Variants in XKR6 observed in about 807,000 individuals in gnomAD.
XKR6 encodes the protein XK-related protein 6.
A neutral mutation model predicts 56.7 loss-of-function variants in XKR6; 22 were observed. That is an observed-to-expected ratio of 0.39 (90% confidence interval 0.28 to 0.55). The LOEUF is 0.55. Ranked by LOEUF, XKR6 falls within the 20% of genes least tolerant of loss-of-function variation. The pLI is 0.66. For missense variants in XKR6, 852 were observed against 889.0 expected, an observed-to-expected ratio of 0.96 and a Z score of 0.53; for synonymous variants, 524 against 387.8, an observed-to-expected ratio of 1.35 and a Z score of -4.13.
chr8:11,161,726 T>G (rs529436661), intron 1 of XKR6, among the ~76,000 whole-genome samples: 1 of 152,348 alleles, frequency 6.6e-6, no homozygotes, highest in Admixed American at 6.5e-5. Context: ...TCAATCACTT[T>G]GGAAGCTATC....
rs1363547374 is a variant in XKR6, at chr8:11,201,113, G to A, written c.227C>T (p.Ser76Phe). Residue 76 changes from serine (S) to phenylalanine (F), a missense_variant, in exon 1 of 3, where the codon TCC becomes TTC. Ser to Phe is a radical substitution (Grantham distance 155, BLOSUM62 -2). Around this residue, in one of 4 missense-constraint regions of XKR6, gnomAD observed 417 missense variants for 355.2 expected, o/e 1.17. Coordinates refer to ENST00000416569, the MANE Select transcript of XKR6 (RefSeq NM_173683.4). ...YWGCRSACLR[S>F]LLGRKPRRSA... Reference sequence around the variant, plus strand: ...GCGGCGCGGCTTCCTGCCCAGGAGGGAGCGCAGGCAGGCGGAGCGGCAGCC... The same window carrying A: ...GCGGCGCGGCTTCCTGCCCAGGAGGAAGCGCAGGCAGGCGGAGCGGCAGCC... The A allele has an allele frequency of 2.3e-5, 35 of 1,508,262 alleles. No individual in the cohort carries two copies. The highest frequency in any genetic ancestry group is 3.1e-5 in the Non-Finnish European group (35 of 1,135,782). 93.4% of individuals were successfully genotyped at this position (1,508,262 alleles called of 1,614,324 possible). A position where few individuals can be genotyped will look rare whatever the true frequency, so the allele number is the denominator to read the frequency against.
intron 1 of XKR6, among the ~76,000 whole-genome samples, chr8:11,186,417 C>T (rs35223712): frequency 0.5 from 75,778 of 151,962 alleles, 21,613 homozygotes; most frequent in African/African-American, 0.77. Flanking sequence ...AGTCTTGCTC[C>T]GTTATCCAGG....
At chr8:11,074,111 A>G (rs1380559872) in intron 1 of XKR6, among the ~76,000 whole-genome samples, 3 of 152,278 alleles carry the variant, frequency 2.0e-5, no homozygotes, top group Non-Finnish European at 2.9e-5. Flanking sequence ...TAAGATCTTC[A>G]AAGACGCAGC....
At chr8:11,129,747 G>C (rs1391053045) in intron 1 of XKR6, among the ~76,000 whole-genome samples, 3 of 152,120 alleles carry the variant, frequency 2.0e-5, no homozygotes, top group African/African-American at 7.2e-5. Flanking sequence ...AAATCGATGT[G>C]GGAAGGAGGA....
intron 1 of XKR6, among the ~76,000 whole-genome samples, chr8:11,039,193 G>C (rs1799222162): frequency 6.6e-6 from 1 of 152,204 alleles, no homozygotes; most frequent in South Asian, 2.1e-4. Flanking sequence ...AAGCGAAGGG[G>C]AGGCCACCAG....
chr8:11,139,543 G>C (rs1356034034), intron 1 of XKR6, among the ~76,000 whole-genome samples: 1 of 152,134 alleles, frequency 6.6e-6, no homozygotes, highest in Non-Finnish European at 1.5e-5. Context: ...CGAGGGACTA[G>C]ATGAGCCTCA....
intron 1 of XKR6, among the ~76,000 whole-genome samples, chr8:11,134,794 T>C (rs953482234): frequency 7.2e-5 from 11 of 152,074 alleles, no homozygotes; most frequent in African/African-American, 1.5e-4. Context: ...CGTGGTGTTA[T>C]TTGTAACAGC....
At chr8:11,011,770 G>A (rs1040126451) in intron 1 of XKR6, among the ~76,000 whole-genome samples, 4 of 152,204 alleles carry the variant, frequency 2.6e-5, no homozygotes, top group Non-Finnish European at 5.9e-5. Context: ...CTGGTTGTGG[G>A]AGTGACAGGA....
chr8:11,093,884 C>T (rs545922875), intron 1 of XKR6, among the ~76,000 whole-genome samples: 7 of 149,088 alleles, frequency 4.7e-5, no homozygotes, highest in Non-Finnish European at 5.9e-5. Flanking sequence ...CCCGGGTTCA[C>T]GCCATTCTCC....
chr8:10,945,487 A>G (rs1381078137), intron 1 of XKR6, among the ~76,000 whole-genome samples: 2 of 152,212 alleles, frequency 1.3e-5, no homozygotes, highest in African/African-American at 4.8e-5. Context: ...CCATCTCTAA[A>G]TAAATAAATA....
intron 1 of XKR6, among the ~76,000 whole-genome samples, chr8:10,944,833 A>G (rs1407899958): frequency 6.6e-6 from 1 of 152,182 alleles, no homozygotes; most frequent in Non-Finnish European, 1.5e-5. Context: ...AGCTATTTTT[A>G]GCCCTTCTTT....
At chr8:11,091,655 G>C (rs1466635856) in intron 1 of XKR6, among the ~76,000 whole-genome samples, 1 of 152,042 alleles carries the variant, frequency 6.6e-6, no homozygotes, top group Non-Finnish European at 1.5e-5. Flanking sequence ...TGAGATGCCG[G>C]TGTTAAGTCT....
At chr8:10,899,007 C>T in intron 2 of XKR6, 91 bp from the exon 3 acceptor site, 2 of 1,494,510 alleles carry the variant, frequency 1.3e-6, no homozygotes, top group Non-Finnish European at 1.8e-6. Context: ...CGCCCACATA[C>T]ACCACGATCT....
chr8:10,911,859 C>T (rs369526541), intron 2 of XKR6, among the ~76,000 whole-genome samples: 8 of 145,112 alleles, frequency 5.5e-5, no homozygotes, highest in South Asian at 2.2e-4. Flanking sequence ...TGTGTGTATA[C>T]GTGTTTGTAT....
intron 1 of XKR6, among the ~76,000 whole-genome samples, chr8:11,057,513 CACG>C (rs781273571): frequency 2.6e-5 from 4 of 152,230 alleles, no homozygotes; most frequent in Non-Finnish European, 5.9e-5. Flanking sequence ...GGCTCATCCT[CACG>C]ACAACACGCT....
intron 1 of XKR6, among the ~76,000 whole-genome samples, chr8:10,975,203 C>G (rs1802517646): frequency 6.6e-6 from 1 of 152,210 alleles, no homozygotes. Context: ...AACTAGCACC[C>G]TCCTGCAGCC....
chr8:10,949,725 G>A (rs1296925782), intron 1 of XKR6, among the ~76,000 whole-genome samples: 1 of 152,232 alleles, frequency 6.6e-6, no homozygotes, highest in Non-Finnish European at 1.5e-5. Context: ...AAGGACCGGT[G>A]CCTACAGACT....
intron 1 of XKR6, among the ~76,000 whole-genome samples, chr8:11,174,701 G>A (rs768786224): frequency 2.6e-5 from 4 of 152,074 alleles, no homozygotes; most frequent in African/African-American, 7.2e-5. Context: ...CAGAGGTCAC[G>A]CTCAGTTACA....
chr8:11,085,247 G>T (rs927756483), intron 1 of XKR6, among the ~76,000 whole-genome samples: 1 of 152,158 alleles, frequency 6.6e-6, no homozygotes, highest in African/African-American at 2.4e-5. Context: ...CCCATGCTAG[G>T]TGGGAGCCTC....
Sources: allele counts gnomAD v4.1 joint callset (sites outside exome capture counted in the v4.1 genomes callset), GRCh38; gene constraint gnomAD v4.1.1; regional missense constraint gnomAD v4.1.1; transcripts MANE v1.5; gene names NCBI Gene and HGNC (gene_info 2026-07-23, HGNC 2026-07-21).